Variants in ARHGAP39 observed in about 807,000 individuals in gnomAD.
ARHGAP39 encodes Rho GTPase activating protein 39, also known as rho GTPase-activating protein 39.
A neutral mutation model predicts 106.9 loss-of-function variants in ARHGAP39; 44 were observed. That is an observed-to-expected ratio of 0.41 (90% CI 0.32 to 0.53). The LOEUF (loss-of-function observed/expected upper bound fraction) is 0.53. Among genes scored for constraint, ARHGAP39 ranks in the 20% least tolerant of loss-of-function variants. The pLI is 0.21. For synonymous variants in ARHGAP39, 768 were observed against 693.2 expected, an observed-to-expected ratio of 1.11 and a Z score of -1.69; for missense variants, 1,496 against 1,577.3, an observed-to-expected ratio of 0.95 and a Z score of 0.87.
intron 2 of ARHGAP39, among the ~76,000 whole-genome samples, chr8:144,595,363 C>G (rs1335836089): frequency 6.6e-6 from 1 of 152,172 alleles, no homozygotes; most frequent in African/African-American, 2.4e-5. Flanking sequence ...CTTCAATCGT[C>G]TGGAGCAGGT....
chr8:144,687,347 G>A (rs76879701), upstream of ARHGAP39, among the ~76,000 whole-genome samples: 61 of 6,184 alleles, frequency 9.9e-3, 10 homozygotes, highest in African/African-American at 0.014. Context: ...CTGTGACCAC[G>A]CACTGGCGGC....
intron 7 of ARHGAP39, among the ~76,000 whole-genome samples, chr8:144,536,296 G>C (rs538401349): frequency 6.6e-6 from 1 of 152,214 alleles, no homozygotes; most frequent in South Asian, 2.1e-4. Context: ...CCTGCCCCGG[G>C]GACCTTAGAG....
At chr8:144,689,940 T>C (rs1265269485), upstream of ARHGAP39, among the ~76,000 whole-genome samples, 1 of 150,540 alleles carries the variant, frequency 6.6e-6, no homozygotes, top group Non-Finnish European at 1.5e-5. Context: ...AGGGATGGCG[T>C]GTCACCACGT....
At chr8:144,609,826 G>A (rs1820429148) in intron 1 of ARHGAP39, among the ~76,000 whole-genome samples, 1 of 152,098 alleles carries the variant, frequency 6.6e-6, no homozygotes. Flanking sequence ...TTTGCTATCA[G>A]AGTAATACCA....
chr8:144,602,404 CGT>C lies in ARHGAP39; in HGVS notation c.80+3129_80+3130del, dbSNP rs112487406. Among the ~76,000 whole-genome samples, 55 of 102,724 alleles carry C rather than the reference CGT, an allele frequency of 5.4e-4. No homozygotes were observed. In the South Asian group the frequency reaches 8.4e-3, roughly 16 times the overall value. The allele number at this position is 102,724 out of a possible 152,430, so 67.4% of individuals were successfully genotyped here. On this transcript the variant is annotated intron_variant, in intron 2 of 11. Transcript: ENST00000377307. ...ATGTACCTGTGTGTGTGCGTGGAGGCGTGTGTGTGCTTGTGTACCTGTGTGTG... is the reference window on the plus strand; with the variant it reads ...ATGTACCTGTGTGTGTGCGTGGAGGCGTGTGTGCTTGTGTACCTGTGTGTG...
intron 1 of ARHGAP39, among the ~76,000 whole-genome samples, chr8:144,624,192 G>T (rs1357415381): frequency 6.6e-6 from 1 of 152,214 alleles, no homozygotes; most frequent in African/African-American, 2.4e-5. Flanking sequence ...ACCTGTGCCT[G>T]CCATGTTAGC....
intron 2 of ARHGAP39, chr8:144,584,197 G>A (rs1819101773): frequency 6.6e-6 from 1 of 152,084 alleles, no homozygotes; most frequent in Admixed American, 6.6e-5. Context: ...CCAGCAATTT[G>A]GGAAGCCAAG....
In ARHGAP39 at chr8:144,553,697, G is replaced by A. The variant is rs1389261662; in HGVS notation, c.596+1863C>T. On this transcript the variant is annotated intron_variant, in intron 4 of 11. Transcript: ENST00000377307. The stretch of plus-strand genomic sequence containing the variant: ...AGGGGCATGAGGAGGTGGCCAAGCT[G>A]CCTGGTGTGGAGCAGCCCCCAACCA... Among the ~76,000 whole-genome samples, 18 of 152,374 alleles carry A rather than the reference G, an allele frequency of 1.2e-4. No individual in the cohort carries two copies. The East Asian group carries it at 3.1e-3, about 26-fold the overall frequency.
chr8:144,545,573 C>T lies in ARHGAP39; in HGVS notation c.2197G>A (p.Val733Met), dbSNP rs767694332. 56 of 1,613,636 alleles carry T rather than the reference C, an allele frequency of 3.5e-5. No homozygotes were observed. The highest frequency in any genetic ancestry group is 1.2e-4 in the Admixed American group (7 of 60,000). ...SSESIKKPMIVTSDRHVKKEA... is the reference protein window; with the variant it reads ...SSESIKKPMIMTSDRHVKKEA... ...TTCTTCACGTGCCGGTCGCTTGTCA[C>T]GATCATGGGCTTCTTGATGGACTCG... The change falls in exon 6 of 12, where the codon GTG becomes ATG. Residue 733 changes from valine (V) to methionine (M), a missense_variant. Around this residue, in one of 4 missense-constraint regions of ARHGAP39, gnomAD observed 470 missense variants for 605.1 expected, o/e 0.78. Transcript: ENST00000377307.
the ARHGAP39 span, among the ~76,000 whole-genome samples, chr8:144,693,617 C>T: frequency 1.8e-4 from 28 of 152,136 alleles, no homozygotes; most frequent in Non-Finnish European, 1.0e-4. Flanking sequence ...TCGTGATCCA[C>T]CCGCCTCGGC....
At chr8:144,544,897 C>T (rs1314978778) in intron 6 of ARHGAP39, among the ~76,000 whole-genome samples, 2 of 152,266 alleles carry the variant, frequency 1.3e-5, no homozygotes, top group Non-Finnish European at 2.9e-5. Context: ...GTGCGGCAGG[C>T]ACACAGGTGC....
At chr8:144,549,560 T>G (rs945043972) in intron 4 of ARHGAP39, among the ~76,000 whole-genome samples, 2 of 152,172 alleles carry the variant, frequency 1.3e-5, no homozygotes, top group African/African-American at 4.8e-5. Flanking sequence ...CGGCACGGTC[T>G]TGCCTCACTG....
chr8:144,628,666 C>A (rs1820985772), intron 1 of ARHGAP39, among the ~76,000 whole-genome samples: 1 of 152,226 alleles, frequency 6.6e-6, no homozygotes, highest in Non-Finnish European at 1.5e-5. Context: ...AATGAACCAA[C>A]CAGGCTGGCC....
chr8:144,622,206 G>A (rs969915766), intron 1 of ARHGAP39, among the ~76,000 whole-genome samples: 9 of 152,112 alleles, frequency 5.9e-5, no homozygotes, highest in Non-Finnish European at 1.2e-4. Flanking sequence ...GAGGGGTCCC[G>A]GGCAAAGCGT....
At position 144,685,794 on chromosome 8, in the gene ARHGAP39, C is replaced by T. The variant is rs2129785940; in HGVS notation, c.-190G>A. Among the ~76,000 whole-genome samples the T allele has an allele frequency of 6.8e-6, 1 of 147,920 alleles. No homozygotes were observed. The highest frequency in any genetic ancestry group is 2.0e-4 in the East Asian group (1 of 5,100). On this transcript the variant is annotated 5_prime_UTR_variant, in exon 1 of 12. Transcript: ENST00000377307. ...CTCTCTGCTGCTCCGCCGCTGCTGC[C>T]GCGGCAGCCCGTGCTGTCGGCGTCC...
At chr8:144,689,642 G>A (rs1822704300), upstream of ARHGAP39, among the ~76,000 whole-genome samples, 1 of 150,348 alleles carries the variant, frequency 6.7e-6, no homozygotes, top group Admixed American at 6.7e-5. Context: ...CACCATGTTG[G>A]TTGGCCAGGC....
At position 144,545,751 on chromosome 8, in the gene ARHGAP39, A is replaced by G. The variant is rs1263978589; in HGVS notation, c.2019T>C (p.Val673=). 1 of 1,609,358 alleles carries G rather than the reference A, an allele frequency of 6.2e-7. No homozygotes were observed. The highest frequency in any genetic ancestry group is 8.5e-7 in the Non-Finnish European group (1 of 1,178,548). Residue 673 remains valine, a synonymous_variant, in exon 6 of 12, where the codon GTT becomes GTC. Coordinates refer to ENST00000377307, the MANE Select transcript of ARHGAP39 (RefSeq NM_025251.3). ...TGGGGAAGACGCAGCTGGAGCTGGG[A>G]ACGCCGCTGCGGCTCTGCCGGCTGC... The part of the protein sequence containing the change: ...FESSRQSRSG[V]PSSSCVFPTF...
At chr8:144,550,791 G>C (rs1025066663) in intron 4 of ARHGAP39, among the ~76,000 whole-genome samples, 2 of 152,260 alleles carry the variant, frequency 1.3e-5, no homozygotes, top group African/African-American at 4.8e-5. Flanking sequence ...GTGTGGCAGG[G>C]GCCATCAAAC....
intron 1 of ARHGAP39, among the ~76,000 whole-genome samples, chr8:144,653,923 C>T (rs761085622): frequency 2.6e-4 from 39 of 152,198 alleles, no homozygotes; most frequent in Non-Finnish European, 1.0e-4. Flanking sequence ...AGGTGAAACC[C>T]GCTCCCAGCC....
Sources: allele counts gnomAD v4.1 joint callset (sites outside exome capture counted in the v4.1 genomes callset), GRCh38; gene constraint gnomAD v4.1.1; regional missense constraint gnomAD v4.1.1; transcripts MANE v1.5; gene names NCBI Gene and HGNC (gene_info 2026-07-23, HGNC 2026-07-21).